ZBTB10: variants seen among roughly 807,000 people sequenced by gnomAD.
ZBTB10 encodes zinc finger and BTB domain containing 10.
In ZBTB10, 32 loss-of-function variants were observed where a neutral mutation model predicts 76.4. The ratio of observed to expected loss-of-function variants is 0.42; its 90% confidence interval spans 0.32 to 0.56. The LOEUF is 0.56. Ranked by LOEUF, ZBTB10 falls within the 20% of genes least tolerant of loss-of-function variation. ZBTB10 has a pLI of 0.14. For missense variants in ZBTB10, 1,057 were observed against 1,098.5 expected, an observed-to-expected ratio of 0.96 and a Z score of 0.53; for synonymous variants, 523 against 432.9, an observed-to-expected ratio of 1.21 and a Z score of -2.58.
intron 2 of ZBTB10, among the ~76,000 whole-genome samples, chr8:80,506,827 G>T (rs1816069211): frequency 6.6e-6 from 1 of 152,010 alleles, no homozygotes; most frequent in African/African-American, 2.4e-5. Flanking sequence ...TATTCTCTTA[G>T]GAGATTCCGA....
intron 2 of ZBTB10, among the ~76,000 whole-genome samples, chr8:80,507,325 A>C (rs1210922631): frequency 5.7e-5 from 8 of 139,724 alleles, no homozygotes; most frequent in Non-Finnish European, 9.2e-5. Context: ...AAAAGAAAAA[A>C]AAAACAGCTG....
intron 2 of ZBTB10, among the ~76,000 whole-genome samples, chr8:80,512,302 C>T (rs540894903): frequency 8.8e-4 from 134 of 152,308 alleles, no homozygotes; most frequent in Non-Finnish European, 1.7e-3. Context: ...TACCCAGACC[C>T]GTGCTCCTGT....
In ZBTB10 at chr8:80,521,399, A is replaced by G. The variant is rs1482256389; in HGVS notation, c.*1871A>G. ...TGGGCAAAGATACTATGAATGAAAAAGTATTTTAAACGTAAAATGTTCTTT... is the reference window on the plus strand; with the variant it reads ...TGGGCAAAGATACTATGAATGAAAAGGTATTTTAAACGTAAAATGTTCTTT... On this transcript the variant is annotated 3_prime_UTR_variant, in exon 6 of 6. Transcript: ENST00000455036. The G allele has an allele frequency of 2.0e-5, 3 of 151,830 alleles. No homozygotes were observed. The East Asian group carries it at 5.8e-4, about 29-fold the overall frequency. 9.4% of individuals were successfully genotyped at this position (151,830 alleles called of 1,614,324 possible).
At chr8:80,487,813 G>C (rs1196792549) in intron 1 of ZBTB10, 31 bp downstream of exon 1, 3 of 1,519,966 alleles carry the variant, frequency 2.0e-6, no homozygotes, top group East Asian at 2.3e-5. Flanking sequence ...ACTTTTTTGA[G>C]ATCTTTTAGG....
In ZBTB10 at chr8:80,519,341, A is replaced by G; in HGVS notation, c.2429A>G (p.Asp810Gly). 1.2e-6 allele frequency: 2 copies of G among 1,613,710 alleles called. No homozygotes were observed. The highest frequency in any genetic ancestry group is 1.7e-6 in the Non-Finnish European group (2 of 1,179,766). The change falls in exon 6 of 6, where the codon GAT (aspartate) becomes GGT (glycine). Residue 810 changes from aspartate (D) to glycine (G), a missense_variant. Coordinates refer to ENST00000455036, the MANE Select transcript of ZBTB10 (RefSeq NM_001105539.3). ...RRYGVCVDCA[D>G]KSQPGGQEGV... ...TATGGTGTTTGTGTAGACTGTGCAG[A>G]TAAATCACAGCCAGGAGGGCAAGAA...
intron 1 of ZBTB10, among the ~76,000 whole-genome samples, chr8:80,492,240 C>G (rs1184654183): frequency 6.6e-6 from 1 of 152,146 alleles, no homozygotes; most frequent in East Asian, 1.9e-4. Context: ...AGCCCTTGTG[C>G]TTTTCAAACT....
chr8:80,490,547 C>CA (rs1255547755), intron 1 of ZBTB10, among the ~76,000 whole-genome samples: 2 of 152,174 alleles, frequency 1.3e-5, no homozygotes, highest in Admixed American at 1.3e-4. Context: ...CGTTATTACT[C>CA]ATTTTGATCA....
In ZBTB10 at chr8:80,487,194, C is replaced by G; in HGVS notation, c.384C>G (p.Gly128=). The G allele has an allele frequency of 6.5e-7, 1 of 1,538,346 alleles. No homozygotes were observed. Among genetic ancestry groups the G allele is most frequent in the African/African-American group, 1.4e-5 (1 of 72,378 alleles). ...GTCGGACTCTGGCCTTCCGAGGCGG[C>G]GGCGGCGGGGGTCTCGGCAACAATG... is the stretch of plus-strand genomic sequence containing the variant. ...RNRRTLAFRG[G]GGGGLGNNGS... Residue 128 remains glycine, a synonymous_variant, in exon 1 of 6, where the codon GGC becomes GGG. Transcript: ENST00000455036.
intron 1 of ZBTB10, among the ~76,000 whole-genome samples, chr8:80,498,270 A>G (rs1056922738): frequency 1.3e-5 from 2 of 152,118 alleles, no homozygotes; most frequent in Non-Finnish European, 2.9e-5. Context: ...GCCTGTTTAC[A>G]CTCTAGTGTT....
intron 1 of ZBTB10, among the ~76,000 whole-genome samples, chr8:80,493,209 A>ACGCGCGCGCGCG (rs1226235279): frequency 2.7e-5 from 2 of 73,310 alleles, no homozygotes; most frequent in African/African-American, 1.1e-4. Flanking sequence ...GCGCGCGCGC[A>ACGCGCGCGCGCG]CACACACACA....
intron 1 of ZBTB10, among the ~76,000 whole-genome samples, chr8:80,488,066 C>A (rs1489069590): frequency 6.6e-6 from 1 of 151,974 alleles, no homozygotes; most frequent in Non-Finnish European, 1.5e-5. Context: ...CAGATTGAAT[C>A]AAAAAGAAAG....
chr8:80,485,838 G>A (rs1563452844), upstream of ZBTB10: 1 of 1,535,870 alleles, frequency 6.5e-7, no homozygotes, highest in East Asian at 2.4e-5. Context: ...AGTCCCAGGT[G>A]AACTCGTGGC....
At chr8:80,519,076 A>T (rs1304739216) in intron 5 of ZBTB10, 122 bp downstream of exon 5, 5 of 1,412,896 alleles carry the variant, frequency 3.5e-6, no homozygotes, top group Middle Eastern at 2.4e-4. Context: ...TGCTTTAAAC[A>T]GTTTGACTTT....
chr8:80,489,028 A>T (rs564855280), intron 1 of ZBTB10, among the ~76,000 whole-genome samples: 2 of 141,892 alleles, frequency 1.4e-5, no homozygotes, highest in East Asian at 4.1e-4. Context: ...TTTTGCACAC[A>T]TTTTAGTTGC....
At chr8:80,490,167 G>A (rs1463065098) in intron 1 of ZBTB10, among the ~76,000 whole-genome samples, 1 of 152,188 alleles carries the variant, frequency 6.6e-6, no homozygotes, top group Non-Finnish European at 1.5e-5. Context: ...TTTTTAGGCA[G>A]GCAAATTAGT....
intron 2 of ZBTB10, among the ~76,000 whole-genome samples, chr8:80,510,333 G>C (rs1215566990): frequency 2.6e-5 from 4 of 152,138 alleles, no homozygotes; most frequent in Admixed American, 1.3e-4. Context: ...CTTGGTGCTT[G>C]TGATAAACTG....
intron 2 of ZBTB10, among the ~76,000 whole-genome samples, chr8:80,512,338 C>T (rs1317912232): frequency 6.6e-6 from 1 of 152,196 alleles, no homozygotes; most frequent in Non-Finnish European, 1.5e-5. Context: ...AGGAATCTTA[C>T]ACAATGGATA....
upstream of ZBTB10, chr8:80,485,708 G>A: frequency 7.3e-7 from 1 of 1,378,686 alleles, no homozygotes; most frequent in Middle Eastern, 1.8e-4. Context: ...TCGCGTGAAA[G>A]GCACCGCCTG....
Position 80,499,555 on chromosome 8 carries a change from C to G in ZBTB10, c.1034C>G (p.Ser345Cys). The change falls in exon 2 of 6, where the codon TCT becomes TGT. Residue 345 changes from serine to cysteine, a missense_variant. Physicochemically the swap from Ser to Cys is moderately radical, Grantham distance 112. This residue lies in a region of ZBTB10 where 86 missense variants were observed against 145.7 expected (regional missense o/e 0.59). Transcript: ENST00000455036. ...CDFNSRPNENSYCYQLLRQLN... is the reference protein window; with the variant it reads ...CDFNSRPNENCYCYQLLRQLN... The stretch of plus-strand genomic sequence containing the variant: ...TTTAATAGTAGGCCAAATGAGAACT[C>G]TTATTGCTATCAACTTCTGCGACAA... 2.5e-6 allele frequency: 4 copies of G among 1,613,900 alleles called. No homozygotes were observed. Among genetic ancestry groups the G allele is most frequent in the Non-Finnish European group, 3.4e-6 (4 of 1,179,840 alleles).
Sources: allele counts gnomAD v4.1 joint callset (sites outside exome capture counted in the v4.1 genomes callset), GRCh38; gene constraint gnomAD v4.1.1; regional missense constraint gnomAD v4.1.1; transcripts MANE v1.5; gene names NCBI Gene and HGNC (gene_info 2026-07-23, HGNC 2026-07-21).